FAM107B: variants seen among roughly 807,000 people sequenced by gnomAD.
FAM107B encodes family with sequence similarity 107 member B.
Under a neutral mutation model 31.5 loss-of-function variants are expected in FAM107B, and 21 were observed. The ratio of observed to expected loss-of-function variants is 0.67; its 90% CI spans 0.47 to 0.96. FAM107B has a LOEUF of 0.96. Ranked by LOEUF, FAM107B falls within the 40% of genes least tolerant of loss-of-function variation. The pLI is 0.00. For missense variants in FAM107B, 452 were observed against 377.1 expected (o/e 1.20, Z -1.64); for synonymous variants, 157 against 141.5 (o/e 1.11, Z -0.78).
chr10:14,752,886 C>T (rs1832857537), intron 1 of FAM107B, among the ~76,000 whole-genome samples: 1 of 151,086 alleles, frequency 6.6e-6, no homozygotes, highest in Non-Finnish European at 1.5e-5. Context: ...GAGCTGTGAT[C>T]ACACCACTGT....
At chr10:14,701,627 G>C (rs931204549) in intron 1 of FAM107B, among the ~76,000 whole-genome samples, 1 of 151,978 alleles carries the variant, frequency 6.6e-6, no homozygotes, top group Non-Finnish European at 1.5e-5. Flanking sequence ...GAACTAAAAG[G>C]AATGCCAAAG....
chr10:14,755,187 T>G (rs1394045917), intron 1 of FAM107B, among the ~76,000 whole-genome samples: 1 of 152,214 alleles, frequency 6.6e-6, no homozygotes, highest in African/African-American at 2.4e-5. Flanking sequence ...AACCATGGTC[T>G]AAATGAAACT....
At chr10:14,734,413 G>A (rs12260333) in intron 1 of FAM107B, among the ~76,000 whole-genome samples, 4,996 of 152,004 alleles carry the variant, frequency 0.033, 293 homozygotes, top group African/African-American at 0.12. Context: ...GACCACATGT[G>A]GTCCAGGGCG....
chr10:14,565,831 T>C (rs73601311), intron 2 of FAM107B, among the ~76,000 whole-genome samples: 1,612 of 152,060 alleles, frequency 0.011, 29 homozygotes, highest in African/African-American at 0.037. Context: ...GGGGAGAGTG[T>C]CTCAGGCGCT....
At chr10:14,555,628 G>GA (rs1849625310) in intron 2 of FAM107B, among the ~76,000 whole-genome samples, 1 of 152,080 alleles carries the variant, frequency 6.6e-6, no homozygotes, top group African/African-American at 2.4e-5. Context: ...CAGTGACTTG[G>GA]AAAAATTGGG....
intron 1 of FAM107B, among the ~76,000 whole-genome samples, chr10:14,683,345 T>G (rs767991386): frequency 1.1e-4 from 17 of 152,202 alleles, no homozygotes; most frequent in Non-Finnish European, 2.1e-4. Flanking sequence ...GAATGAGTGA[T>G]TGTTCCACAC....
At chr10:14,522,453 A>G (rs1845761539) in intron 3 of FAM107B, among the ~76,000 whole-genome samples, 1 of 149,666 alleles carries the variant, frequency 6.7e-6, no homozygotes, top group South Asian at 2.1e-4. Flanking sequence ...TCACTCTGTC[A>G]CCCAGGCTGG....
Position 14,581,115 on chromosome 10 carries a change from T to C in FAM107B, c.470-50600A>G, listed in dbSNP as rs541042875. On this transcript the variant is annotated intron_variant, in intron 2 of 4. Coordinates refer to ENST00000181796, the MANE Select transcript of FAM107B (RefSeq NM_031453.4). Reference sequence around the variant, plus strand: ...CCAGGGGAGGAGGAGGACAGGCAATTTGCAAATGAGCACGCACATATCTGC... The same window carrying C: ...CCAGGGGAGGAGGAGGACAGGCAATCTGCAAATGAGCACGCACATATCTGC... 2.0e-5 allele frequency among the ~76,000 whole-genome samples: 3 copies of C among 152,192 alleles called. No individual in the cohort carries two copies. The East Asian group carries it at 5.8e-4, about 29-fold the overall frequency.
At chr10:14,736,074 A>T (rs924950427) in intron 1 of FAM107B, among the ~76,000 whole-genome samples, 2 of 152,184 alleles carry the variant, frequency 1.3e-5, no homozygotes, top group African/African-American at 4.8e-5. Context: ...CGAGCAGATA[A>T]CAAAGATGGA....
intron 1 of FAM107B, among the ~76,000 whole-genome samples, chr10:14,741,581 T>A: frequency 6.6e-6 from 1 of 151,978 alleles, no homozygotes; most frequent in Admixed American, 6.6e-5. Context: ...CCAAGGGGAG[T>A]CTGTTTTAAA....
chr10:14,700,595 C>A (rs1289630248), intron 1 of FAM107B, among the ~76,000 whole-genome samples: 1 of 152,050 alleles, frequency 6.6e-6, no homozygotes, highest in African/African-American at 2.4e-5. Context: ...GAAAGCCCAG[C>A]CTGTGCCCCT....
chr10:14,566,235 A>G (rs1469299767), intron 2 of FAM107B, among the ~76,000 whole-genome samples: 1 of 152,232 alleles, frequency 6.6e-6, no homozygotes, highest in African/African-American at 2.4e-5. Flanking sequence ...TGAAAGAATA[A>G]GTAGGTAACA....
chr10:14,753,857 A>C (rs1832876768), intron 1 of FAM107B, among the ~76,000 whole-genome samples: 1 of 151,804 alleles, frequency 6.6e-6, no homozygotes, highest in Admixed American at 6.6e-5. Flanking sequence ...CACCTATATA[A>C]AATATAACAA....
At chr10:14,662,562 G>C (rs12256859) in intron 2 of FAM107B, among the ~76,000 whole-genome samples, 2 of 151,960 alleles carry the variant, frequency 1.3e-5, no homozygotes, top group Non-Finnish European at 2.9e-5. Context: ...TTTTTTTGTA[G>C]AGACTGGGTC....
At chr10:14,532,757 G>A (rs1847154606) in intron 2 of FAM107B, 1 of 152,208 alleles carries the variant, frequency 6.6e-6, no homozygotes, top group African/African-American at 2.4e-5. Flanking sequence ...CATAGACCAA[G>A]AAGGCTACAC....
chr10:14,570,892 G>A (rs1358443446), intron 2 of FAM107B, among the ~76,000 whole-genome samples: 10 of 150,296 alleles, frequency 6.7e-5, no homozygotes, highest in Admixed American at 6.0e-4. Flanking sequence ...CCACAACTGT[G>A]AAGGAGGAGG....
intron 1 of FAM107B, among the ~76,000 whole-genome samples, chr10:14,692,015 C>A (rs565948916): frequency 2.0e-5 from 3 of 152,058 alleles, no homozygotes; most frequent in Non-Finnish European, 2.9e-5. Context: ...AATAGACAAT[C>A]CTTGACCATG....
intron 2 of FAM107B, among the ~76,000 whole-genome samples, chr10:14,540,585 C>T (rs182321112): frequency 1.3e-5 from 2 of 152,306 alleles, no homozygotes; most frequent in South Asian, 2.1e-4. Flanking sequence ...ACTTCCTCTT[C>T]CCTCCCTTTA....
intron 1 of FAM107B, among the ~76,000 whole-genome samples, chr10:14,673,534 C>G (rs1165959576): frequency 6.6e-6 from 1 of 152,166 alleles, no homozygotes; most frequent in Non-Finnish European, 1.5e-5. Flanking sequence ...ATCCCTTCAT[C>G]TGTTGATAGA....
Sources: allele counts gnomAD v4.1 joint callset (sites outside exome capture counted in the v4.1 genomes callset), GRCh38; gene constraint gnomAD v4.1.1; transcripts MANE v1.5; gene names NCBI Gene and HGNC (gene_info 2026-07-23, HGNC 2026-07-21).